Variants in AFAP1 observed in about 807,000 individuals in gnomAD.
The protein encoded by AFAP1 is actin filament-associated protein 1.
Under a neutral mutation model 93.9 loss-of-function variants are expected in AFAP1, and 75 were observed. That is an observed-to-expected ratio of 0.80 (90% confidence interval 0.66 to 0.97). AFAP1 has a LOEUF of 0.97. Among genes scored for constraint, AFAP1 ranks in the 50% least tolerant of loss-of-function variants. The pLI is 0.00. For missense variants in AFAP1, 1,201 were observed against 1,050.8 expected, an observed-to-expected ratio of 1.14 and a Z score of -1.98; for synonymous variants, 517 against 430.7, an observed-to-expected ratio of 1.20 and a Z score of -2.48.
intron 10 of AFAP1, among the ~76,000 whole-genome samples, chr4:7,796,761 AAC>A (rs1491499568): frequency 0.12 from 17,095 of 139,040 alleles, 1,027 homozygotes; most frequent in Middle Eastern, 0.16. Context: ...AAAAAAAAAA[AAC>A]AAAAAAAAAC....
In AFAP1 at chr4:7,888,776, G is replaced by A. The variant is rs565625504; in HGVS notation, c.-2-16696C>T. Among the ~76,000 whole-genome samples, 524 of 151,502 alleles carry A rather than the reference G, an allele frequency of 3.5e-3. 2 individuals are homozygous for A. The highest frequency in any genetic ancestry group is 5.8e-3 in the Non-Finnish European group (393 of 67,638). On this transcript the variant is annotated intron_variant, in intron 1 of 17. Transcript: ENST00000420658. ...CCTCATGAACACAGACAGAAAAATT[G>A]TTAACAGTTTTTTTTTGTTGTTGTT... is the stretch of plus-strand genomic sequence containing the variant.
At chr4:7,769,031 A>G (rs369764579) in intron 16 of AFAP1, 23 bp from the exon 17 acceptor site, 1 of 1,573,334 alleles carries the variant, frequency 6.4e-7, no homozygotes, top group Non-Finnish European at 8.7e-7. Flanking sequence ...AGAGAACCCC[A>G]TGTGATGAGC....
chr4:7,857,093 A>G (rs960479954), intron 3 of AFAP1, among the ~76,000 whole-genome samples: 17 of 152,162 alleles, frequency 1.1e-4, no homozygotes, highest in African/African-American at 4.1e-4. Context: ...AATAGCATGC[A>G]ACAATTTCCC....
At chr4:7,779,789 G>C (rs1038977978) in intron 13 of AFAP1, among the ~76,000 whole-genome samples, 28 of 152,302 alleles carry the variant, frequency 1.8e-4, no homozygotes, top group African/African-American at 6.5e-4. Flanking sequence ...CAGATGACGT[G>C]CCATACATGG....
At chr4:7,824,064 T>C (rs977719034) in intron 6 of AFAP1, among the ~76,000 whole-genome samples, 1 of 152,224 alleles carries the variant, frequency 6.6e-6, no homozygotes, top group African/African-American at 2.4e-5. Context: ...TCTCTGTTGA[T>C]TGCCAAGCTG....
chr4:7,809,445 G>A (rs1719818978), intron 9 of AFAP1, 169 bp downstream of exon 9: 2 of 747,818 alleles, frequency 2.7e-6, no homozygotes, highest in Admixed American at 3.7e-5. Context: ...TGAATAAGAG[G>A]CAAAAATGTA....
chr4:7,794,875 G>C (rs1718243541), intron 10 of AFAP1, among the ~76,000 whole-genome samples: 1 of 152,002 alleles, frequency 6.6e-6, no homozygotes, highest in Non-Finnish European at 1.5e-5. Flanking sequence ...ATTTTTAGTG[G>C]TATTTGAAAT....
intron 1 of AFAP1, among the ~76,000 whole-genome samples, chr4:7,894,488 G>A (rs1214515301): frequency 6.6e-6 from 1 of 152,200 alleles, no homozygotes; most frequent in Non-Finnish European, 1.5e-5. Flanking sequence ...AGACGTACAT[G>A]TCAAGACAAG....
intron 9 of AFAP1, among the ~76,000 whole-genome samples, chr4:7,805,115 G>A (rs1448797177): frequency 6.6e-6 from 1 of 152,166 alleles, no homozygotes; most frequent in African/African-American, 2.4e-5. Flanking sequence ...TGCTGAGGCT[G>A]GTCTTAAACT....
chr4:7,789,752 AC>A (rs1717688548), intron 11 of AFAP1, among the ~76,000 whole-genome samples: 1 of 140,930 alleles, frequency 7.1e-6, no homozygotes, highest in Admixed American at 7.0e-5. Flanking sequence ...CATCCTCACC[AC>A]CCCATCCGTG....
At chr4:7,823,220 T>C (rs1200840870) in intron 6 of AFAP1, among the ~76,000 whole-genome samples, 1 of 151,698 alleles carries the variant, frequency 6.6e-6, no homozygotes, top group Non-Finnish European at 1.5e-5. Context: ...CTGTTCCCAA[T>C]GTCTACTTCG....
At chr4:7,836,033 T>C (rs1043365458) in intron 6 of AFAP1, among the ~76,000 whole-genome samples, 3 of 152,118 alleles carry the variant, frequency 2.0e-5, no homozygotes, top group Admixed American at 1.3e-4. Flanking sequence ...GTTATTTCCA[T>C]AGGAACAACT....
intron 5 of AFAP1, among the ~76,000 whole-genome samples, chr4:7,839,378 C>T (rs201391658): frequency 6.6e-6 from 1 of 151,250 alleles, no homozygotes; most frequent in Non-Finnish European, 1.5e-5. Flanking sequence ...CCAACACACA[C>T]AAATATATAT....
intron 1 of AFAP1, among the ~76,000 whole-genome samples, chr4:7,903,112 G>T (rs1719209296): frequency 6.6e-6 from 1 of 152,142 alleles, no homozygotes; most frequent in Non-Finnish European, 1.5e-5. Flanking sequence ...TATTCACAGA[G>T]CATTTTCCAA....
chr4:7,863,856 G>A (rs907383625), intron 3 of AFAP1, among the ~76,000 whole-genome samples: 1 of 151,516 alleles, frequency 6.6e-6, no homozygotes. Context: ...AAAATAAAGT[G>A]CGGTTGTGCT....
chr4:7,879,107 T>C (rs987670286), intron 1 of AFAP1, among the ~76,000 whole-genome samples: 1 of 152,128 alleles, frequency 6.6e-6, no homozygotes, highest in African/African-American at 2.4e-5. Flanking sequence ...CCCAACTTCC[T>C]CAATGTACTG....
At position 7,759,798 on chromosome 4, in the gene AFAP1, G is replaced by A. The variant is rs1713527249; in HGVS notation, c.*3967C>T. ...CTGTTTCAAGGATGGACATCCACCTGAATGCAGGGGCCACCTGTGAGCTCA... is the reference window on the plus strand; with the variant it reads ...CTGTTTCAAGGATGGACATCCACCTAAATGCAGGGGCCACCTGTGAGCTCA... On this transcript the variant is annotated 3_prime_UTR_variant, in exon 18 of 18. Coordinates refer to ENST00000420658, the MANE Select transcript of AFAP1 (RefSeq NM_001134647.2). 1 of 152,290 alleles carries A rather than the reference G, an allele frequency of 6.6e-6. No homozygotes were observed. The highest frequency in any genetic ancestry group is 2.4e-5 in the African/African-American group (1 of 41,476). The allele number at this position is 152,290 out of a possible 1,614,324, so 9.4% of individuals were successfully genotyped here. A position where few individuals can be genotyped will look rare whatever the true frequency, so the allele number is the denominator to read the frequency against.
chr4:7,859,478 A>T (rs761032642), intron 3 of AFAP1, among the ~76,000 whole-genome samples: 11 of 152,148 alleles, frequency 7.2e-5, no homozygotes, highest in Non-Finnish European at 1.6e-4. Context: ...GACACTTAAA[A>T]AGAAGTATGA....
chr4:7,835,779 T>C (rs1232521928), intron 6 of AFAP1, among the ~76,000 whole-genome samples: 1 of 126,516 alleles, frequency 7.9e-6, no homozygotes, highest in Non-Finnish European at 1.7e-5. Context: ...TGGGTGGCTC[T>C]TGAATGGACT....
Sources: allele counts gnomAD v4.1 joint callset (sites outside exome capture counted in the v4.1 genomes callset), GRCh38; gene constraint gnomAD v4.1.1; transcripts MANE v1.5; gene names NCBI Gene and HGNC (gene_info 2026-07-23, HGNC 2026-07-21).